OXCT1: variants seen among roughly 807,000 people sequenced by gnomAD.
OXCT1 encodes 3-oxoacid CoA-transferase 1.
A neutral mutation model predicts 69.6 loss-of-function variants in OXCT1; 27 were observed. The ratio of observed to expected loss-of-function variants is 0.39; its 90% CI spans 0.29 to 0.54. The LOEUF (loss-of-function observed/expected upper bound fraction) is 0.54, where lower values mean the gene tolerates loss of function less well. Ranked by LOEUF, OXCT1 falls within the 20% of genes least tolerant of loss-of-function variation. The pLI is 0.72. For synonymous variants in OXCT1, 202 were observed against 217.8 expected (o/e 0.93, Z 0.64); for missense variants, 437 against 650.2 (o/e 0.67, Z 3.57).
chr5:41,773,018 C>T (rs1469872512), intron 13 of OXCT1, among the ~76,000 whole-genome samples: 3 of 152,118 alleles, frequency 2.0e-5, no homozygotes, highest in African/African-American at 7.2e-5. Context: ...CTGGGAGGGT[C>T]CTATCATCAC....
chr5:41,866,826 G>A (rs1297583299), intron 1 of OXCT1, among the ~76,000 whole-genome samples: 1 of 152,244 alleles, frequency 6.6e-6, no homozygotes, highest in East Asian at 1.9e-4. Context: ...GAGCACAGAT[G>A]AAGGAGTAAT....
At chr5:41,856,535 C>G (rs567366733) in intron 3 of OXCT1, among the ~76,000 whole-genome samples, 5 of 152,188 alleles carry the variant, frequency 3.3e-5, no homozygotes, top group African/African-American at 7.2e-5. Flanking sequence ...GATTCCTTCC[C>G]AATTCTCAGA....
chr5:41,778,318 T>A (rs961796685), intron 13 of OXCT1, among the ~76,000 whole-genome samples: 1 of 152,232 alleles, frequency 6.6e-6, no homozygotes, highest in Admixed American at 6.5e-5. Context: ...TAGTGTTGAA[T>A]TGACTGGAAA....
chr5:41,789,490 C>T (rs1386256807), intron 13 of OXCT1, among the ~76,000 whole-genome samples: 1 of 152,098 alleles, frequency 6.6e-6, no homozygotes, highest in Non-Finnish European at 1.5e-5. Flanking sequence ...GAATTTAATC[C>T]TCAGAACAAG....
chr5:41,731,030 A>C lies in OXCT1; in HGVS notation c.*699T>G, dbSNP rs914958000. 1 of 152,336 alleles carries C rather than the reference A, an allele frequency of 6.6e-6. No individual in the cohort carries two copies. Among genetic ancestry groups the C allele is most frequent in the East Asian group, 1.9e-4 (1 of 5,200 alleles). The allele number at this position is 152,336 out of a possible 1,614,324, so 9.4% of individuals were successfully genotyped here. ...ATTCTCAAGGACCCTTGAGGATACA[A>C]AGGAATACTGGGCTGTTTTAAAATG... On this transcript the variant is annotated 3_prime_UTR_variant, in exon 17 of 17. Coordinates refer to ENST00000196371, the MANE Select transcript of OXCT1 (RefSeq NM_000436.4).
At chr5:41,843,363 TA>T (rs1748738369) in intron 5 of OXCT1, among the ~76,000 whole-genome samples, 1 of 152,172 alleles carries the variant, frequency 6.6e-6, no homozygotes, top group Non-Finnish European at 1.5e-5. Context: ...TCAATAGTTT[TA>T]TTATTTTCTC....
chr5:41,862,754 A>G lies in OXCT1; in HGVS notation c.79-4T>C. 6.4e-7 allele frequency: 1 copy of G among 1,562,976 alleles called. No homozygotes were observed. The highest frequency in any genetic ancestry group is 8.8e-7 in the Non-Finnish European group (1 of 1,133,892). ...TGGAAAAGGAACAAACACATCCCTG[A>G]AATATTAAAAAAAAAAAATTGATAA... On this transcript the variant is annotated splice_polypyrimidine_tract_variant and splice_region_variant and intron_variant, in intron 1 of 16. Transcript: ENST00000196371.
chr5:41,732,928 A>AT (rs1218577469), intron 16 of OXCT1, among the ~76,000 whole-genome samples: 3 of 152,198 alleles, frequency 2.0e-5, no homozygotes. Flanking sequence ...CTTGTCTTCC[A>AT]TTTTTGTACT....
rs989321634 is a variant in OXCT1, at chr5:41,794,390, T to A, written c.1172+287A>T. On this transcript the variant is annotated intron_variant, in intron 12 of 16. Transcript: ENST00000196371. ...ACACTAGCTAGAAAGTGAACACAGT[T>A]TGAAGAAAATGTTAGAATCCTCAGA... The A allele has an allele frequency of 2.2e-5, 13 of 594,468 alleles. No individual in the cohort carries two copies. The African/African-American group carries it at 2.4e-4, about 11-fold the overall frequency. The allele number at this position is 594,468 out of a possible 1,614,324, so 36.8% of individuals were successfully genotyped here. A position where few individuals can be genotyped will look rare whatever the true frequency, so the allele number is the denominator to read the frequency against.
At chr5:41,845,458 C>T (rs1748850964) in intron 5 of OXCT1, among the ~76,000 whole-genome samples, 1 of 152,076 alleles carries the variant, frequency 6.6e-6, no homozygotes. Flanking sequence ...AGCAGGAGGA[C>T]TTGATCTAGA....
At chr5:41,836,609 T>G (rs144935087) in intron 7 of OXCT1, among the ~76,000 whole-genome samples, 12 of 152,172 alleles carry the variant, frequency 7.9e-5, no homozygotes, top group Non-Finnish European at 1.6e-4. Flanking sequence ...GATGAAACTG[T>G]TCCACCTCAG....
intron 3 of OXCT1, among the ~76,000 whole-genome samples, chr5:41,856,861 C>G (rs1749451992): frequency 6.6e-6 from 1 of 152,176 alleles, no homozygotes; most frequent in African/African-American, 2.4e-5. Flanking sequence ...CCTAAGGATT[C>G]CGTTGTTCAA....
chr5:41,834,178 A>T (rs1405867384), intron 7 of OXCT1, among the ~76,000 whole-genome samples: 1 of 152,130 alleles, frequency 6.6e-6, no homozygotes, highest in African/African-American at 2.4e-5. Context: ...AATAAAAAGC[A>T]AGAAATCAAA....
At chr5:41,791,956 C>A (rs1194208641) in intron 13 of OXCT1, among the ~76,000 whole-genome samples, 7 of 152,138 alleles carry the variant, frequency 4.6e-5, no homozygotes, top group African/African-American at 1.4e-4. Context: ...GCGCATGCCA[C>A]CACGCCCGGC....
Position 41,805,615 on chromosome 5 carries a change from C to G in OXCT1, c.907G>C (p.Glu303Gln). 6.2e-7 allele frequency: 1 copy of G among 1,613,042 alleles called. No homozygotes were observed. The highest frequency in any genetic ancestry group is 8.5e-7 in the Non-Finnish European group (1 of 1,179,334). ...AGAGCGGCCCTCTTGATGATTCGTT[C>G]CCTTACGTCATCTCCAGGTTTAGCA... ...KSAKPGDDVR[E>Q]RIIKRAALEF... is the part of the protein sequence containing the mutation. Residue 303 changes from glutamate to glutamine, a missense_variant, in exon 9 of 17, where the codon GAA becomes CAA. Glu to Gln is a conservative substitution (Grantham distance 29). Around this residue, in one of 4 missense-constraint regions of OXCT1, gnomAD observed 252 missense variants for 397.4 expected, o/e 0.63. Transcript: ENST00000196371.
intron 6 of OXCT1, 61 bp from the exon 7 acceptor site, chr5:41,840,572 C>A: frequency 1.0e-6 from 1 of 996,280 alleles, no homozygotes. Flanking sequence ...GCATCTCTGT[C>A]ACCTTTAAGG....
intron 16 of OXCT1, among the ~76,000 whole-genome samples, chr5:41,738,589 T>G (rs146272919): frequency 3.4e-4 from 52 of 152,308 alleles, no homozygotes; most frequent in African/African-American, 1.1e-3. Context: ...AACTACCCAA[T>G]CTTATGCTGT....
intron 14 of OXCT1, among the ~76,000 whole-genome samples, chr5:41,753,310 GACACACAC>G (rs56169527): frequency 7.3e-5 from 11 of 149,996 alleles, no homozygotes; most frequent in East Asian, 2.0e-4. Flanking sequence ...CACACACATA[GACACACAC>G]ACACACACAC....
rs758116505 is a variant in OXCT1, at chr5:41,807,338, C to A, written c.833G>T (p.Arg278Ile). 2 of 1,527,942 alleles carry A rather than the reference C, an allele frequency of 1.3e-6. No individual in the cohort carries two copies. The highest frequency in any genetic ancestry group is 1.1e-5 in the South Asian group (1 of 89,356). 94.6% of individuals were successfully genotyped at this position (1,527,942 alleles called of 1,614,324 possible). A position where few individuals can be genotyped will look rare whatever the true frequency, so the allele number is the denominator to read the frequency against. ...AGCAGCTAAGTCAATTACCTCAATT[C>A]TTTTCTCATATTTTTCTCCCTTTAT... ...RLIKGEKYEK[R>I]IERLSIRKEG... Residue 278 changes from arginine to isoleucine, a missense_variant, in exon 8 of 17, where the codon AGA becomes ATA. Coordinates refer to ENST00000196371, the MANE Select transcript of OXCT1 (RefSeq NM_000436.4).
Sources: gnomAD v4.1 joint callset for allele counts (sites outside exome capture counted in the v4.1 genomes callset) on GRCh38, gnomAD v4.1.1 for gene constraint, gnomAD v4.1.1 regional missense constraint, MANE v1.5 for transcripts, NCBI Gene and HGNC (gene_info 2026-07-23, HGNC 2026-07-21) for gene names.